The following PTPRC variants were observed in gnomAD, a reference collection of about 807,000 sequenced individuals.
PTPRC encodes the protein protein tyrosine phosphatase receptor type C, also known as receptor-type tyrosine-protein phosphatase C.
PTPRC carries 44 observed loss-of-function variants against 155.9 expected under a neutral mutation model. That is an observed-to-expected ratio of 0.28 (90% CI 0.22 to 0.36). PTPRC has a LOEUF of 0.36. Among genes scored for constraint, PTPRC ranks in the 10% least tolerant of loss-of-function variants. The pLI is 1.00. For synonymous variants in PTPRC, 525 were observed against 533.1 expected (o/e 0.98, Z 0.21); for missense variants, 1,401 against 1,564.6 (o/e 0.90, Z 1.76).
chr1:198,709,136 A>G (rs1451369697), intron 10 of PTPRC, among the ~76,000 whole-genome samples: 1 of 152,224 alleles, frequency 6.6e-6, no homozygotes, highest in Admixed American at 6.5e-5. Flanking sequence ...TGTATTTGCT[A>G]TATACAGATT....
chr1:198,751,074 AT>A (rs1044693885), intron 29 of PTPRC, among the ~76,000 whole-genome samples: 22 of 151,964 alleles, frequency 1.4e-4, no homozygotes, highest in African/African-American at 5.3e-4. Flanking sequence ...TAAACACGCC[AT>A]TTGCATTGTC....
intron 2 of PTPRC, among the ~76,000 whole-genome samples, chr1:198,684,340 A>G (rs1347724382): frequency 6.6e-6 from 1 of 151,894 alleles, no homozygotes; most frequent in Non-Finnish European, 1.5e-5. Flanking sequence ...TGTATTCACA[A>G]GCAAAAAACA....
chr1:198,700,879 G>C (rs1178100402), intron 5 of PTPRC, among the ~76,000 whole-genome samples: 1 of 152,206 alleles, frequency 6.6e-6, no homozygotes, highest in Non-Finnish European at 1.5e-5. Flanking sequence ...GTGAGGAGGA[G>C]GGAAGGTAGG....
intron 2 of PTPRC, among the ~76,000 whole-genome samples, chr1:198,684,844 A>G (rs1428325760): frequency 6.6e-6 from 1 of 151,942 alleles, no homozygotes; most frequent in African/African-American, 2.4e-5. Context: ...CATTCTCCCA[A>G]GTGCCTCTTT....
At chr1:198,693,480 A>G (rs1249396013) in intron 3 of PTPRC, among the ~76,000 whole-genome samples, 1 of 152,218 alleles carries the variant, frequency 6.6e-6, no homozygotes, top group Non-Finnish European at 1.5e-5. Flanking sequence ...AGGGATAGGT[A>G]TAAGGTAGAA....
At chr1:198,692,713 C>G in intron 3 of PTPRC, 1 of 930,114 alleles carries the variant, frequency 1.1e-6, no homozygotes, top group Non-Finnish European at 1.3e-6. Context: ...ATTTTATAGT[C>G]TGAAAGCAGG....
chr1:198,683,452 A>G (rs1665450388), intron 2 of PTPRC, among the ~76,000 whole-genome samples: 1 of 152,154 alleles, frequency 6.6e-6, no homozygotes, highest in South Asian at 2.1e-4. Context: ...TAAATCAGGT[A>G]TATATCCCTG....
Position 198,731,902 on chromosome 1 carries a change from G to A in PTPRC, c.1974+176G>A, listed in dbSNP as rs191860330. Reference sequence around the variant, plus strand: ...AGAAGAGAGACTCATAGAGGTTGACGGGATTATAGTGTAGAGCTAGTAAAT... The same window carrying A: ...AGAAGAGAGACTCATAGAGGTTGACAGGATTATAGTGTAGAGCTAGTAAAT... On this transcript the variant is annotated intron_variant, in intron 18 of 32. Transcript: ENST00000442510. Among the ~76,000 whole-genome samples the A allele has an allele frequency of 6.7e-4, 102 of 152,044 alleles. 1 individual carries two copies. The highest frequency in any genetic ancestry group is 1.2e-4 in the Non-Finnish European group (8 of 67,924).
rs766295043 is a variant in PTPRC, at chr1:198,718,076, C to A, written c.1451-18C>A. ...ATCTATTAAATTATTAATAACAAATCTTTCTTCATTTTGATAGCTCCAAGC... is the reference window on the plus strand; with the variant it reads ...ATCTATTAAATTATTAATAACAAATATTTCTTCATTTTGATAGCTCCAAGC... On this transcript the variant is annotated intron_variant, in intron 13 of 32. Transcript: ENST00000442510. 3.8e-6 allele frequency: 6 copies of A among 1,570,446 alleles called. No homozygotes were observed. Among genetic ancestry groups the A allele is most frequent in the Admixed American group, 1.7e-5 (1 of 59,908 alleles).
In PTPRC at chr1:198,743,232, C is replaced by G. The variant is rs1253633446; in HGVS notation, c.2698-822C>G. Reference sequence around the variant, plus strand: ...AGCAATGATCTAGGTTTGTGTCTGTCTGTTTGGAGAGATGCTCAGATGAAA... The same window carrying G: ...AGCAATGATCTAGGTTTGTGTCTGTGTGTTTGGAGAGATGCTCAGATGAAA... On this transcript the variant is annotated intron_variant, in intron 25 of 32. Coordinates refer to ENST00000442510, the MANE Select transcript of PTPRC (RefSeq NM_002838.5). Among the ~76,000 whole-genome samples, 3 of 151,652 alleles carry G rather than the reference C, an allele frequency of 2.0e-5. No homozygotes were observed. In the East Asian group the frequency reaches 5.8e-4, roughly 29 times the overall value.
Position 198,756,373 on chromosome 1 carries a change from T to C in PTPRC, c.*192T>C. 5.5e-6 allele frequency: 4 copies of C among 732,122 alleles called. No individual in the cohort carries two copies. Among genetic ancestry groups the C allele is most frequent in the Non-Finnish European group, 8.7e-6 (4 of 461,956 alleles). 45.4% of individuals were successfully genotyped at this position (732,122 alleles called of 1,614,324 possible). A position where few individuals can be genotyped will look rare whatever the true frequency, so the allele number is the denominator to read the frequency against. The stretch of plus-strand genomic sequence containing the variant: ...TGCCAGAACAGTTTGTACAGACGTA[T>C]GCTTATTTTAAAATTTTATCTCTTA... On this transcript the variant is annotated 3_prime_UTR_variant, in exon 33 of 33. Transcript: ENST00000442510.
chr1:198,675,213 A>G (rs1664883786), intron 2 of PTPRC, among the ~76,000 whole-genome samples: 1 of 152,184 alleles, frequency 6.6e-6, no homozygotes, highest in South Asian at 2.1e-4. Flanking sequence ...ACATTTTACT[A>G]GAATAATAAT....
At chr1:198,719,159 A>G (rs1398884949) in intron 14 of PTPRC, among the ~76,000 whole-genome samples, 2 of 151,890 alleles carry the variant, frequency 1.3e-5, no homozygotes, top group African/African-American at 4.8e-5. Context: ...TTTTTTTTCT[A>G]TAAAATTTAC....
rs180783920 is a variant in PTPRC at position 198,705,534 on chromosome 1, C to T, written c.685+1036C>T. 2.1e-3 allele frequency among the ~76,000 whole-genome samples: 314 copies of T among 151,608 alleles called. 1 individual carries two copies. Among genetic ancestry groups the T allele is most frequent in the Middle Eastern group, 0.017 (5 of 294 alleles). On this transcript the variant is annotated intron_variant, in intron 8 of 32. Transcript: ENST00000442510. ...CTCCTGGGTTCAAGTGATTCTCCTG[C>T]CTCAGCCTCCCAAGTAGCTGGGACT...
At chr1:198,652,569 T>C (rs1231310459) in intron 2 of PTPRC, among the ~76,000 whole-genome samples, 1 of 51,090 alleles carries the variant, frequency 2.0e-5, no homozygotes, top group Non-Finnish European at 4.7e-5. Flanking sequence ...AATATTACCC[T>C]TTTTTTTTTT....
At chr1:198,754,790 G>A (rs1655552372) in intron 32 of PTPRC, among the ~76,000 whole-genome samples, 1 of 152,076 alleles carries the variant, frequency 6.6e-6, no homozygotes, top group African/African-American at 2.4e-5. Context: ...CTAATGATAT[G>A]CTGGAATGTT....
At chr1:198,671,110 T>C (rs1286323350) in intron 2 of PTPRC, among the ~76,000 whole-genome samples, 1 of 151,998 alleles carries the variant, frequency 6.6e-6, no homozygotes, top group Non-Finnish European at 1.5e-5. Context: ...TTTAAATTTT[T>C]TGAAATGTAA....
chr1:198,743,484 G>T (rs1655006911), intron 25 of PTPRC, among the ~76,000 whole-genome samples: 1 of 151,750 alleles, frequency 6.6e-6, no homozygotes. Flanking sequence ...GGTTAAAGAG[G>T]ATTATCAGAA....
chr1:198,681,159 G>T (rs573637100), intron 2 of PTPRC, among the ~76,000 whole-genome samples: 27 of 151,374 alleles, frequency 1.8e-4, no homozygotes, highest in African/African-American at 6.3e-4. Flanking sequence ...GAAGTTAAAT[G>T]AAAAGGATCT....
Sources: gnomAD v4.1 joint callset for allele counts (sites outside exome capture counted in the v4.1 genomes callset) on GRCh38, gnomAD v4.1.1 for gene constraint, MANE v1.5 for transcripts, NCBI Gene and HGNC (gene_info 2026-07-23, HGNC 2026-07-21) for gene names.